THSD4: variants seen among roughly 807,000 people sequenced by gnomAD.
THSD4 encodes thrombospondin type-1 domain-containing protein 4.
Under a neutral mutation model 119.0 loss-of-function variants are expected in THSD4, and 69 were observed. The observed-to-expected ratio is 0.58, with a 90% confidence interval of 0.48 to 0.71. The LOEUF is 0.71. Among genes scored for constraint, THSD4 ranks in the 30% least tolerant of loss-of-function variants. The pLI is 0.00. For synonymous variants in THSD4, 524 were observed against 540.4 expected (o/e 0.97, Z 0.42); for missense variants, 1,393 against 1,391.1 (o/e 1.00, Z -0.02).
At chr15:71,130,890 G>T (rs2040497584) in intron 1 of THSD4, among the ~76,000 whole-genome samples, 1 of 152,008 alleles carries the variant, frequency 6.6e-6, no homozygotes, top group Non-Finnish European at 1.5e-5. Context: ...GACTACAGGC[G>T]CCCGCTACCA....
intron 6 of THSD4, among the ~76,000 whole-genome samples, chr15:71,331,799 C>G (rs2045423809): frequency 1.3e-5 from 2 of 151,978 alleles, no homozygotes; most frequent in Non-Finnish European, 2.9e-5. Context: ...TATTGAATTA[C>G]AATGCATTCC....
intron 7 of THSD4, among the ~76,000 whole-genome samples, chr15:71,490,914 A>G (rs2047909007): frequency 6.6e-6 from 1 of 152,226 alleles, no homozygotes; most frequent in Non-Finnish European, 1.5e-5. Context: ...ATGGCAATAG[A>G]TGCCAGGTGG....
intron 1 of THSD4, among the ~76,000 whole-genome samples, chr15:71,138,210 C>A (rs146537928): frequency 7.2e-4 from 109 of 152,268 alleles, no homozygotes; most frequent in African/African-American, 2.3e-3. Context: ...GCAGGCACAT[C>A]TTACATGGCG....
intron 7 of THSD4, among the ~76,000 whole-genome samples, chr15:71,493,181 C>T (rs368400317): frequency 1.3e-5 from 2 of 152,270 alleles, no homozygotes; most frequent in African/African-American, 2.4e-5. Context: ...GCTTGCCCCT[C>T]GTCAGATTTC....
At chr15:71,410,002 A>C (rs2046663851) in intron 6 of THSD4, among the ~76,000 whole-genome samples, 1 of 152,076 alleles carries the variant, frequency 6.6e-6, no homozygotes, top group African/African-American at 2.4e-5. Flanking sequence ...GAAGCAACTA[A>C]ATTGTTCTGA....
chr15:71,522,533 G>T (rs60110576), intron 7 of THSD4, among the ~76,000 whole-genome samples: 68 of 152,314 alleles, frequency 4.5e-4, no homozygotes, highest in African/African-American at 1.6e-3. Context: ...AAAATGAAAA[G>T]TATTGCTCAC....
intron 7 of THSD4, among the ~76,000 whole-genome samples, chr15:71,440,537 C>A (rs1372417760): frequency 6.6e-6 from 1 of 152,142 alleles, no homozygotes; most frequent in Non-Finnish European, 1.5e-5. Context: ...AGGCTAGAGA[C>A]CATCCAATAT....
At chr15:71,722,758 C>T (rs75385047) in intron 8 of THSD4, among the ~76,000 whole-genome samples, 1 of 152,110 alleles carries the variant, frequency 6.6e-6, no homozygotes, top group Non-Finnish European at 1.5e-5. Flanking sequence ...TAAATGTCTC[C>T]CTTCTTATCT....
intron 7 of THSD4, among the ~76,000 whole-genome samples, chr15:71,545,403 TAA>T (rs1276353040): frequency 6.6e-6 from 1 of 152,188 alleles, no homozygotes; most frequent in East Asian, 1.9e-4. Context: ...TTTTTACAAA[TAA>T]AGTTTTATTG....
chr15:71,132,198 T>G (rs2040510002), intron 1 of THSD4, among the ~76,000 whole-genome samples: 1 of 152,226 alleles, frequency 6.6e-6, no homozygotes, highest in East Asian at 1.9e-4. Flanking sequence ...AGTCATACCT[T>G]TTGGCTTAAT....
intron 6 of THSD4, among the ~76,000 whole-genome samples, chr15:71,396,435 T>A (rs192673092): frequency 6.6e-6 from 1 of 152,292 alleles, no homozygotes. Context: ...CCTCTGACTT[T>A]CTCTGGTTTC....
intron 9 of THSD4, 120 bp downstream of exon 9, chr15:71,728,844 G>A (rs1428328308): frequency 7.7e-7 from 1 of 1,302,962 alleles, no homozygotes; most frequent in Non-Finnish European, 1.1e-6. Flanking sequence ...CCTTTGAGCA[G>A]AGCCTGTTGG....
At chr15:71,313,284 G>A (rs1419697427) in intron 6 of THSD4, among the ~76,000 whole-genome samples, 1 of 150,530 alleles carries the variant, frequency 6.6e-6, no homozygotes, top group African/African-American at 2.4e-5. Context: ...TTCTGTGTGT[G>A]TACATGCATG....
At chr15:71,322,209 G>A (rs1596335920) in intron 6 of THSD4, among the ~76,000 whole-genome samples, 1 of 152,266 alleles carries the variant, frequency 6.6e-6, no homozygotes, top group Non-Finnish European at 1.5e-5. Context: ...ATTTGTACCT[G>A]CTGACTTGCT....
chr15:71,280,792 C>T (rs1477394960), intron 6 of THSD4, among the ~76,000 whole-genome samples: 1 of 152,140 alleles, frequency 6.6e-6, no homozygotes, highest in South Asian at 2.1e-4. Flanking sequence ...CCAGGACAGT[C>T]CTTCAAAAAG....
chr15:71,734,568 G>A (rs757816337), intron 10 of THSD4, among the ~76,000 whole-genome samples: 15 of 152,118 alleles, frequency 9.9e-5, no homozygotes, highest in Non-Finnish European at 1.9e-4. Flanking sequence ...TTACACTGGC[G>A]GATGCATGTC....
At chr15:71,566,223 A>G (rs887167251) in intron 7 of THSD4, among the ~76,000 whole-genome samples, 2 of 150,926 alleles carry the variant, frequency 1.3e-5, no homozygotes, top group African/African-American at 2.4e-5. Context: ...ATTCTATAAC[A>G]ATGCGTGGTT....
At chr15:71,411,890 T>C in intron 7 of THSD4, 67 bp downstream of exon 7, 1 of 1,595,060 alleles carries the variant, frequency 6.3e-7, no homozygotes, top group Admixed American at 1.7e-5. Context: ...TCCATTGTTT[T>C]CCAGGGAGAG....
chr15:71,629,676 C>T (rs1248203316), intron 7 of THSD4, among the ~76,000 whole-genome samples: 3 of 152,162 alleles, frequency 2.0e-5, no homozygotes, highest in African/African-American at 7.2e-5. Context: ...TCTACCTCCC[C>T]ACACCCCACT....
Sources: gnomAD v4.1 joint callset for allele counts (sites outside exome capture counted in the v4.1 genomes callset) on GRCh38, gnomAD v4.1.1 for gene constraint, MANE v1.5 for transcripts, NCBI Gene and HGNC (gene_info 2026-07-23, HGNC 2026-07-21) for gene names.